The following RPS15A variants were observed in gnomAD, a reference collection of about 807,000 sequenced individuals.
RPS15A encodes small ribosomal subunit protein uS8.
For missense variants in RPS15A, 62 were observed against 163.4 expected, an observed-to-expected ratio of 0.38 and a Z score of 3.38; for synonymous variants, 55 against 58.5, an observed-to-expected ratio of 0.94 and a Z score of 0.27.
At chr16:18,784,021 A>C in intron 4 of RPS15A, 1 of 195,700 alleles carries the variant, frequency 5.1e-6, no homozygotes, top group Non-Finnish European at 1.1e-5. Flanking sequence ...AGTGGACACG[A>C]CCCCCCTTTT....
intron 4 of RPS15A, 30 bp from the exon 5 acceptor site, chr16:18,783,132 A>T (rs1903991001): frequency 7.0e-7 from 1 of 1,431,534 alleles, no homozygotes. Flanking sequence ...AGTGCTGGTA[A>T]GTTTAATAGT....
rs2029936512 is a variant in RPS15A at position 18,788,410 on chromosome 16, A to T, written c.134-268T>A. The T allele has an allele frequency of 1.6e-5, 7 of 439,068 alleles. No individual in the cohort carries two copies. The South Asian group carries it at 1.9e-4, about 12-fold the overall frequency. 27.2% of individuals were successfully genotyped at this position (439,068 alleles called of 1,614,324 possible). A position where few individuals can be genotyped will look rare whatever the true frequency, so the allele number is the denominator to read the frequency against. ...CTTCCTTCACTGCTTCCCATTCCCAAAGACTACTTTGTGCCAAAGAAGTGC... is the reference window on the plus strand; with the variant it reads ...CTTCCTTCACTGCTTCCCATTCCCATAGACTACTTTGTGCCAAAGAAGTGC... On this transcript the variant is annotated intron_variant, in intron 2 of 4. Coordinates refer to ENST00000322989, the MANE Select transcript of RPS15A (RefSeq NM_001019.5).
Position 18,784,743 on chromosome 16 carries a change from C to T in RPS15A, c.294G>A (p.Gln98=). 1 of 1,605,410 alleles carries T rather than the reference C, an allele frequency of 6.2e-7. No homozygotes were observed. ...TTAAGGAAAGGCCAACTTACCCAAA[C>T]TGGCGGGATGGAAGCAGATTATTCT... is the stretch of plus-strand genomic sequence containing the variant. ...KWQNNLLPSR[Q]FGFIVLTTSA... is the part of the protein sequence containing the mutation. The change falls in exon 4 of 5, where the codon CAG becomes CAA. Residue 98 remains glutamine, a synonymous_variant. Coordinates refer to ENST00000322989, the MANE Select transcript of RPS15A (RefSeq NM_001019.5).
At chr16:18,787,820 AC>A (rs993909152) in intron 3 of RPS15A, among the ~76,000 whole-genome samples, 6 of 151,988 alleles carry the variant, frequency 3.9e-5, no homozygotes, top group Non-Finnish European at 8.8e-5. Flanking sequence ...CGTTGGTTTC[AC>A]CCCCCATCTC....
intron 4 of RPS15A, 49 bp from the exon 5 acceptor site, chr16:18,783,151 G>C: frequency 2.6e-6 from 3 of 1,172,342 alleles, no homozygotes; most frequent in Non-Finnish European, 3.8e-6. Flanking sequence ...GTTCAACATA[G>C]TGCCTTCTAG....
At chr16:18,789,160 C>T (rs2029964098) in intron 1 of RPS15A, 42 bp from the exon 2 acceptor site, 13 of 1,576,476 alleles carry the variant, frequency 8.2e-6, no homozygotes, top group Non-Finnish European at 1.0e-5. Flanking sequence ...CTGGCATTGC[C>T]AACATCAACA....
At position 18,782,834 on chromosome 16, in the gene RPS15A, A is replaced by G; in HGVS notation, c.*175T>C. The stretch of plus-strand genomic sequence containing the variant: ...GTTTCTTAGGCATACTGGTTTCATA[A>G]GAACTTTTTCCCTTGGCTGTATTAG... On this transcript the variant is annotated 3_prime_UTR_variant, in exon 5 of 5. Coordinates refer to ENST00000322989, the MANE Select transcript of RPS15A (RefSeq NM_001019.5). 1.8e-6 allele frequency: 1 copy of G among 542,710 alleles called. No homozygotes were observed. Among genetic ancestry groups the G allele is most frequent in the Non-Finnish European group, 3.3e-6 (1 of 307,438 alleles). 33.6% of individuals were successfully genotyped at this position (542,710 alleles called of 1,614,324 possible). A position where few individuals can be genotyped will look rare whatever the true frequency, so the allele number is the denominator to read the frequency against.
rs2029959560 is a variant in RPS15A at position 18,789,007 on chromosome 16, C to T, written c.107G>A (p.Arg36Gln). ...LIRPCSKVIV[R>Q]FLTVMMKHGY... The stretch of plus-strand genomic sequence containing the variant: ...ATGCTTCATCATCACAGTGAGAAAC[C>T]GGACGATGACTTTGGAGCACGGCCT... Residue 36 changes from arginine (R) to glutamine (Q), a missense_variant, in exon 2 of 5, where the codon CGG becomes CAG. Physicochemically the swap from Arg to Gln is conservative, Grantham distance 43. Transcript: ENST00000322989. The T allele has an allele frequency of 6.2e-7, 1 of 1,613,508 alleles. No individual in the cohort carries two copies. Among genetic ancestry groups the T allele is most frequent in the Non-Finnish European group, 8.5e-7 (1 of 1,179,832 alleles).
chr16:18,783,250 T>C (rs984963314), intron 4 of RPS15A, 148 bp from the exon 5 acceptor site: 18 of 592,764 alleles, frequency 3.0e-5, no homozygotes, highest in East Asian at 1.7e-4. Context: ...AGCTGGTGCC[T>C]CATGTAGCGT....
At chr16:18,783,223 C>A (rs1298105144) in intron 4 of RPS15A, 121 bp from the exon 5 acceptor site, 4 of 639,840 alleles carry the variant, frequency 6.3e-6, no homozygotes, top group Non-Finnish European at 1.1e-5. Context: ...CACATAGGAA[C>A]TGACAGTGCC....
At chr16:18,789,714 G>C (rs1195626007) in intron 1 of RPS15A, among the ~76,000 whole-genome samples, 1 of 152,090 alleles carries the variant, frequency 6.6e-6, no homozygotes, top group African/African-American at 2.4e-5. Flanking sequence ...TGTCAGACTG[G>C]ACTCTCTTCT....
intron 4 of RPS15A, chr16:18,783,885 G>C (rs1904004334): frequency 5.6e-6 from 2 of 354,410 alleles, no homozygotes; most frequent in Admixed American, 3.7e-5. Flanking sequence ...TTTGAACTCA[G>C]ATAGGCTTTT....
Position 18,788,970 on chromosome 16 carries a change from A to G in RPS15A, c.133+11T>C, listed in dbSNP as rs774713180. 10 of 1,608,706 alleles carry G rather than the reference A, an allele frequency of 6.2e-6. No individual in the cohort carries two copies. The highest frequency in any genetic ancestry group is 8.5e-6 in the Non-Finnish European group (10 of 1,178,250). On this transcript the variant is annotated intron_variant, in intron 2 of 4. Transcript: ENST00000322989. ...ACATGAAAACATAAAACACAGCGGC[A>G]GCAGACTTACCATGCTTCATCATCA...
Position 18,783,113 on chromosome 16 carries a change from G to GA in RPS15A, c.300-12dup. ...GTCAGTACAATGAAACTATGGAGTG[G>GA]AAAAAGAAAGTGCTGGTAAGTTTAA... On this transcript the variant is annotated splice_polypyrimidine_tract_variant and intron_variant, in intron 4 of 4. Coordinates refer to ENST00000322989, the MANE Select transcript of RPS15A (RefSeq NM_001019.5). 1 of 1,569,422 alleles carries GA rather than the reference G, an allele frequency of 6.4e-7. No homozygotes were observed. The highest frequency in any genetic ancestry group is 1.4e-5 in the African/African-American group (1 of 74,052).
In RPS15A at chr16:18,783,171, A is replaced by C; in HGVS notation, c.300-69T>G. On this transcript the variant is annotated intron_variant, in intron 4 of 4. Coordinates refer to ENST00000322989, the MANE Select transcript of RPS15A (RefSeq NM_001019.5). ...ACATAGTGCCTTCTAGTGCAGAAAA[A>C]CATCAACACTCATCAGTGGTTAAGG... 3.0e-6 allele frequency: 3 copies of C among 998,322 alleles called. No individual in the cohort carries two copies. The South Asian group carries it at 4.1e-5, about 13-fold the overall frequency. 61.8% of individuals were successfully genotyped at this position (998,322 alleles called of 1,614,324 possible).
intron 3 of RPS15A, chr16:18,785,226 T>C (rs1208501314): frequency 6.3e-6 from 1 of 157,654 alleles, no homozygotes; most frequent in Non-Finnish European, 1.4e-5. Flanking sequence ...ATCCTGAAGC[T>C]CTACAAATTA....
intron 3 of RPS15A, chr16:18,786,236 T>G (rs1361976890): frequency 4.4e-6 from 1 of 225,688 alleles, no homozygotes; most frequent in Non-Finnish European, 9.2e-6. Context: ...ATGGTGGCAC[T>G]CACCTGTAAT....
At chr16:18,784,668 C>A (rs1407062778) in intron 4 of RPS15A, 70 bp downstream of exon 4, 6 of 1,209,206 alleles carry the variant, frequency 5.0e-6, no homozygotes, top group Non-Finnish European at 7.1e-6. Context: ...AAGAAAAAAA[C>A]CCTTAAGTCA....
chr16:18,783,227 C>A (rs1352005049), intron 4 of RPS15A, 125 bp from the exon 5 acceptor site: 7 of 633,130 alleles, frequency 1.1e-5, no homozygotes, highest in Admixed American at 2.8e-5. Flanking sequence ...TAGGAACTGA[C>A]AGTGCCTACA....
Sources: allele counts gnomAD v4.1 joint callset (sites outside exome capture counted in the v4.1 genomes callset), GRCh38; gene constraint gnomAD v4.1.1; transcripts MANE v1.5; gene names NCBI Gene and HGNC (gene_info 2026-07-23, HGNC 2026-07-21).